Variants in USP25 observed in about 807,000 individuals in gnomAD.
USP25 encodes the protein ubiquitin specific peptidase 25, also known as ubiquitin carboxyl-terminal hydrolase 25.
A neutral mutation model predicts 158.5 loss-of-function variants in USP25; 85 were observed. The ratio of observed to expected loss-of-function variants is 0.54; its 90% CI spans 0.45 to 0.64. The LOEUF is 0.64. USP25 is among the 30% of genes least tolerant of loss of function. The pLI is 0.00. For synonymous variants in USP25, 464 were observed against 460.4 expected (o/e 1.01, Z -0.10); for missense variants, 1,242 against 1,327.3 (o/e 0.94, Z 1.00).
intron 14 of USP25, among the ~76,000 whole-genome samples, chr21:15,827,878 A>G (rs994757501): frequency 2.0e-5 from 3 of 150,522 alleles, no homozygotes; most frequent in African/African-American, 7.3e-5. Context: ...CTTTTTTTTC[A>G]GAATAAGTTA....
chr21:15,749,670 T>C (rs762635082), intron 1 of USP25, among the ~76,000 whole-genome samples: 1 of 152,164 alleles, frequency 6.6e-6, no homozygotes, highest in Non-Finnish European at 1.5e-5. Context: ...ACAGATAATA[T>C]TGAAAGTTAA....
intron 16 of USP25, among the ~76,000 whole-genome samples, chr21:15,832,911 G>A (rs1434194636): frequency 3.9e-5 from 6 of 152,006 alleles, no homozygotes; most frequent in East Asian, 1.9e-4. Flanking sequence ...TCAGCTACCC[G>A]GGAGGCTGAG....
chr21:15,825,057 G>C lies in USP25; in HGVS notation c.1300G>C (p.Glu434Gln). Residue 434 changes from glutamate to glutamine, a missense_variant, in exon 12 of 26, where the codon GAA (glutamate) becomes CAA (glutamine). Glu to Gln is a conservative substitution (Grantham distance 29, BLOSUM62 2). This residue lies in a region of USP25 where 627 missense variants were observed against 701.4 expected (regional missense o/e 0.89). Transcript: ENST00000400183. ...CCTCACGGTATTACAACAAAGGCTA[G>C]AAAGGTATTTTAACTTTTATGAAAT... ...DYLTVLQQRL[E>Q]RYLSYGSGPK... 1 of 1,596,298 alleles carries C rather than the reference G, an allele frequency of 6.3e-7. No individual in the cohort carries two copies.
chr21:15,800,510 A>C (rs2036078233), intron 6 of USP25, among the ~76,000 whole-genome samples: 1 of 150,682 alleles, frequency 6.6e-6, no homozygotes, highest in African/African-American at 2.4e-5. Context: ...GGTGTCAGCT[A>C]TTGTCAGTTA....
intron 8 of USP25, among the ~76,000 whole-genome samples, chr21:15,810,445 CTT>C (rs370234790): frequency 6.6e-6 from 1 of 152,062 alleles, no homozygotes. Flanking sequence ...CAAGGATAAA[CTT>C]TGTCTTTTTA....
At chr21:15,737,832 CTT>C (rs200689344) in intron 1 of USP25, among the ~76,000 whole-genome samples, 1 of 141,532 alleles carries the variant, frequency 7.1e-6, no homozygotes, top group Admixed American at 7.1e-5. Flanking sequence ...GGATTTTGGA[CTT>C]TTTTTTTTTT....
intron 1 of USP25, 30 bp from the exon 2 acceptor site, chr21:15,762,861 A>C (rs2033813501): frequency 6.3e-7 from 1 of 1,588,890 alleles, no homozygotes; most frequent in Non-Finnish European, 8.6e-7. Flanking sequence ...AGTTGAGAAT[A>C]TAATGATTTT....
At chr21:15,806,403 C>T (rs1349477728) in intron 7 of USP25, among the ~76,000 whole-genome samples, 2 of 145,582 alleles carry the variant, frequency 1.4e-5, no homozygotes, top group Non-Finnish European at 3.0e-5. Context: ...TTCTGGATGG[C>T]TTTTTCCTTG....
At chr21:15,844,217 G>A (rs983855839) in intron 18 of USP25, among the ~76,000 whole-genome samples, 6 of 152,210 alleles carry the variant, frequency 3.9e-5, no homozygotes, top group East Asian at 1.9e-4. Context: ...GTTGCTTAGC[G>A]TCATGGTAAC....
At chr21:15,737,659 G>T (rs1198656135) in intron 1 of USP25, among the ~76,000 whole-genome samples, 1 of 151,790 alleles carries the variant, frequency 6.6e-6, no homozygotes, top group Non-Finnish European at 1.5e-5. Context: ...GTAGTCGTCT[G>T]TATTTTTAAC....
intron 8 of USP25, among the ~76,000 whole-genome samples, chr21:15,810,896 C>A (rs758774127): frequency 7.9e-5 from 12 of 152,126 alleles, no homozygotes; most frequent in Non-Finnish European, 1.5e-4. Flanking sequence ...CGTAGTAGCT[C>A]ATTTTAACTC....
At chr21:15,784,631 A>AG (rs2035172527) in intron 4 of USP25, among the ~76,000 whole-genome samples, 1 of 152,152 alleles carries the variant, frequency 6.6e-6, no homozygotes, top group Non-Finnish European at 1.5e-5. Flanking sequence ...ATGGTGGGGT[A>AG]GGGGAGTGAG....
At position 15,826,953 on chromosome 21, in the gene USP25, G is replaced by T; in HGVS notation, c.1467-24G>T. 6.2e-7 allele frequency: 1 copy of T among 1,609,450 alleles called. No individual in the cohort carries two copies. Among genetic ancestry groups the T allele is most frequent in the Non-Finnish European group, 8.5e-7 (1 of 1,178,856 alleles). On this transcript the variant is annotated intron_variant, in intron 13 of 25. Coordinates refer to ENST00000400183, the MANE Select transcript of USP25 (RefSeq NM_001283041.3). This position sits in a 1 kb window ranked among gnomAD's most constrained non-coding sequence, Gnocchi z 4.8. ...GAGTTTCAGCTTGAAAGGTTAATAA[G>T]AAATACTCTATGCTTTGATACAGCA...
chr21:15,822,068 A>G (rs1047864788), intron 10 of USP25, among the ~76,000 whole-genome samples: 2 of 151,920 alleles, frequency 1.3e-5, no homozygotes, highest in African/African-American at 2.4e-5. Context: ...CCTCTGTCTC[A>G]CAAGCATGGC....
intron 7 of USP25, 151 bp from the exon 8 acceptor site, chr21:15,808,658 T>C (rs1464099448): frequency 4.4e-5 from 24 of 547,872 alleles, no homozygotes; most frequent in South Asian, 1.4e-4. Context: ...TATAAAAGTT[T>C]CTTGCATTTC....
intron 1 of USP25, among the ~76,000 whole-genome samples, chr21:15,735,432 A>C (rs1480451949): frequency 6.6e-6 from 1 of 152,170 alleles, no homozygotes; most frequent in East Asian, 1.9e-4. Flanking sequence ...GAAATGATTT[A>C]AAGTATGCTG....
intron 4 of USP25, among the ~76,000 whole-genome samples, chr21:15,778,763 GTAAC>G (rs1568792608): frequency 6.6e-6 from 1 of 152,084 alleles, no homozygotes; most frequent in African/African-American, 2.4e-5. Flanking sequence ...CCATAAAGTT[GTAAC>G]TAACTGTAAT....
intron 5 of USP25, 91 bp from the exon 6 acceptor site, chr21:15,799,666 T>C (rs1219595922): frequency 1.0e-5 from 8 of 777,320 alleles, no homozygotes; most frequent in South Asian, 6.4e-5. Context: ...TAGTACACAG[T>C]TGTAAAAAAT....
At chr21:15,866,373 C>A in intron 22 of USP25, 29 bp downstream of exon 22, 3 of 1,505,824 alleles carry the variant, frequency 2.0e-6, no homozygotes, top group South Asian at 1.3e-5. Flanking sequence ...GGTTAAACTA[C>A]AGATTTAGGG....
Sources: gnomAD v4.1 joint callset for allele counts (sites outside exome capture counted in the v4.1 genomes callset) on GRCh38, gnomAD v4.1.1 for gene constraint, gnomAD v4.1.1 regional missense constraint, Gnocchi (gnomAD v3.1) non-coding constraint, MANE v1.5 for transcripts, NCBI Gene and HGNC (gene_info 2026-07-23, HGNC 2026-07-21) for gene names.